The following SLC47A1 variants were observed in gnomAD, a reference collection of about 807,000 sequenced individuals.
The protein encoded by SLC47A1 is multidrug and toxin extrusion protein 1.
Under a neutral mutation model 65.8 loss-of-function variants are expected in SLC47A1, and 58 were observed. That is an observed-to-expected ratio of 0.88 (90% CI 0.71 to 1.10). The LOEUF is 1.10. SLC47A1 is among the 50% of genes least tolerant of loss of function. SLC47A1 has a pLI of 0.00. For synonymous variants in SLC47A1, 285 were observed against 295.0 expected (o/e 0.97, Z 0.35); for missense variants, 706 against 719.2 (o/e 0.98, Z 0.21).
intron 1 of SLC47A1, among the ~76,000 whole-genome samples, chr17:19,540,477 T>C (rs1447430460): frequency 1.3e-5 from 2 of 152,172 alleles, no homozygotes; most frequent in African/African-American, 4.8e-5. Flanking sequence ...CCTTTAAAGA[T>C]ACATGAATTC....
intron 1 of SLC47A1, among the ~76,000 whole-genome samples, chr17:19,540,849 G>GACAC (rs144308134): frequency 0.012 from 1,650 of 142,958 alleles, 19 homozygotes; most frequent in South Asian, 0.032. Flanking sequence ...TCCTACAACA[G>GACAC]ACACACACAC....
In SLC47A1 at chr17:19,553,470, G is replaced by C. The variant is rs1916511649; in HGVS notation, c.544-1742G>C. ...CCATCTTTCCTTCCCTCCCACATCT[G>C]GTCAGTCACCTGGTCCTATAGCTTC... On this transcript the variant is annotated intron_variant, in intron 6 of 16. Transcript: ENST00000270570. Among the ~76,000 whole-genome samples the C allele has an allele frequency of 5.3e-5, 8 of 151,640 alleles. No individual in the cohort carries two copies. The South Asian group carries it at 1.7e-3, about 32-fold the overall frequency.
chr17:19,560,104 G>A (rs776269688), intron 10 of SLC47A1, 84 bp from the exon 11 acceptor site: 65 of 952,952 alleles, frequency 6.8e-5, no homozygotes, highest in Non-Finnish European at 9.8e-5. Flanking sequence ...TTCCCACCAG[G>A]TGTGAGGCAT....
chr17:19,557,008 C>T (rs1368043019), intron 10 of SLC47A1, among the ~76,000 whole-genome samples: 1 of 152,192 alleles, frequency 6.6e-6, no homozygotes, highest in Admixed American at 6.5e-5. Flanking sequence ...GAACACTAGT[C>T]ATTAGGAGGC....
chr17:19,577,072 C>A (rs1008427810), intron 16 of SLC47A1, among the ~76,000 whole-genome samples: 1 of 152,094 alleles, frequency 6.6e-6, no homozygotes, highest in Non-Finnish European at 1.5e-5. Flanking sequence ...ATGGAGAGGG[C>A]TACCTTATTT....
intron 10 of SLC47A1, 152 bp downstream of exon 10, chr17:19,556,214 C>G (rs1916605792): frequency 3.4e-6 from 3 of 873,890 alleles, no homozygotes; most frequent in Non-Finnish European, 5.4e-6. Context: ...GGGAGGGTAC[C>G]TCTGCTACAG....
intron 1 of SLC47A1, among the ~76,000 whole-genome samples, chr17:19,538,538 T>C (rs1231208467): frequency 1.3e-5 from 2 of 152,254 alleles, no homozygotes; most frequent in African/African-American, 4.8e-5. Flanking sequence ...GTACTGTGGG[T>C]CCCGTGGGGC....
chr17:19,570,497 G>C (rs1483297447), intron 14 of SLC47A1, among the ~76,000 whole-genome samples: 1 of 152,192 alleles, frequency 6.6e-6, no homozygotes, highest in Non-Finnish European at 1.5e-5. Flanking sequence ...TGGTTAGGGG[G>C]ATGTATTTTA....
At chr17:19,565,278 G>A (rs1180609760) in intron 12 of SLC47A1, among the ~76,000 whole-genome samples, 3 of 152,146 alleles carry the variant, frequency 2.0e-5, no homozygotes, top group African/African-American at 7.2e-5. Flanking sequence ...GTTCCATAGA[G>A]GGAACTTAAT....
At chr17:19,555,342 G>A (rs1462491320) in intron 7 of SLC47A1, 33 bp downstream of exon 7, 2 of 1,608,062 alleles carry the variant, frequency 1.2e-6, no homozygotes, top group African/African-American at 1.3e-5. Flanking sequence ...ACAGGGAGAA[G>A]GGATGACTTG....
At chr17:19,544,474 A>C (rs943614908) in intron 2 of SLC47A1, among the ~76,000 whole-genome samples, 1 of 152,180 alleles carries the variant, frequency 6.6e-6, no homozygotes, top group South Asian at 2.1e-4. Context: ...TCCCTGCTGT[A>C]GAGTCAAGTG....
chr17:19,541,393 C>T (rs979922581), intron 1 of SLC47A1, among the ~76,000 whole-genome samples: 1 of 152,180 alleles, frequency 6.6e-6, no homozygotes, highest in African/African-American at 2.4e-5. Context: ...ACTGGACCGC[C>T]TGGGTCTAGT....
chr17:19,534,319 C>A (rs1915931410), intron 1 of SLC47A1: 1 of 448,594 alleles, frequency 2.2e-6, no homozygotes, highest in Non-Finnish European at 3.9e-6. Flanking sequence ...CTGGTACGCG[C>A]CCGGGCGCAT....
intron 1 of SLC47A1, among the ~76,000 whole-genome samples, chr17:19,538,161 G>A (rs530666530): frequency 8.5e-5 from 13 of 152,226 alleles, no homozygotes; most frequent in Non-Finnish European, 1.5e-4. Flanking sequence ...TGCGTGGGAC[G>A]CATGCTATCC....
At chr17:19,566,559 G>A (rs1434203939) in intron 12 of SLC47A1, among the ~76,000 whole-genome samples, 1 of 152,060 alleles carries the variant, frequency 6.6e-6, no homozygotes, top group Non-Finnish European at 1.5e-5. Flanking sequence ...CTGAGTAGCT[G>A]GGATTACAGG....
At chr17:19,555,713 C>T (rs745639238) in intron 8 of SLC47A1, 23 bp downstream of exon 8, 9 of 1,613,710 alleles carry the variant, frequency 5.6e-6, no homozygotes, top group South Asian at 3.3e-5. Flanking sequence ...CTTTTGTCTT[C>T]CAACTGGGAT....
At chr17:19,555,554 A>G (rs1567969522) in intron 7 of SLC47A1, 39 bp from the exon 8 acceptor site, 1 of 1,590,684 alleles carries the variant, frequency 6.3e-7, no homozygotes, top group Non-Finnish European at 8.6e-7. Flanking sequence ...GGAGAGGCGC[A>G]GGAAGGTACC....
rs1208500765 is a variant in SLC47A1 at position 19,578,091 on chromosome 17, C to T, written c.*538C>T. 2.9e-6 allele frequency: 2 copies of T among 692,922 alleles called. No individual in the cohort carries two copies. Among genetic ancestry groups the T allele is most frequent in the East Asian group, 1.3e-4 (2 of 15,348 alleles). The allele number at this position is 692,922 out of a possible 1,614,324, so 42.9% of individuals were successfully genotyped here. Reference sequence around the variant, plus strand: ...TCGAACTCTTGGGCTTCAAGCAATCCTCCTGTGTCAGCCACCAGAGTAGCT... The same window carrying T: ...TCGAACTCTTGGGCTTCAAGCAATCTTCCTGTGTCAGCCACCAGAGTAGCT... On this transcript the variant is annotated 3_prime_UTR_variant, in exon 17 of 17. Coordinates refer to ENST00000270570, the MANE Select transcript of SLC47A1 (RefSeq NM_018242.3).
intron 2 of SLC47A1, 103 bp downstream of exon 2, chr17:19,542,597 C>A: frequency 4.3e-6 from 4 of 931,670 alleles, no homozygotes; most frequent in Non-Finnish European, 6.3e-6. Flanking sequence ...CCTACACAGA[C>A]TTATTCTCTT....
Sources: gnomAD v4.1 joint callset for allele counts (sites outside exome capture counted in the v4.1 genomes callset) on GRCh38, gnomAD v4.1.1 for gene constraint, MANE v1.5 for transcripts, NCBI Gene and HGNC (gene_info 2026-07-23, HGNC 2026-07-21) for gene names.